The following GNB3 variants were observed in gnomAD, a reference collection of about 807,000 sequenced individuals.
GNB3 encodes guanine nucleotide-binding protein G(I)/G(S)/G(T) subunit beta-3.
Under a neutral mutation model 41.2 loss-of-function variants are expected in GNB3, and 33 were observed. That is an observed-to-expected ratio of 0.80 (90% CI 0.61 to 1.07). The LOEUF (loss-of-function observed/expected upper bound fraction) is 1.07, where lower values mean the gene tolerates loss of function less well. Ranked by LOEUF, GNB3 falls within the 50% of genes least tolerant of loss-of-function variation. GNB3 has a pLI of 0.00. For missense variants in GNB3, 409 were observed against 455.3 expected, an observed-to-expected ratio of 0.90 and a Z score of 0.92; for synonymous variants, 172 against 173.4, an observed-to-expected ratio of 0.99 and a Z score of 0.06.
intron 3 of GNB3, 85 bp from the exon 4 acceptor site, chr12:6,842,885 G>T: frequency 1.2e-6 from 1 of 849,472 alleles, no homozygotes; most frequent in South Asian, 1.8e-5. Context: ...GGCACAGAGC[G>T]GGAACTTGTA....
chr12:6,846,708 C>CCCACACAT, intron 9 of GNB3, 84 bp from the exon 10 acceptor site: 1 of 740,460 alleles, frequency 1.4e-6, no homozygotes, highest in Non-Finnish European at 2.4e-6. Flanking sequence ...CACCCACACA[C>CCCACACAT]CCACACATAC....
chr12:6,846,298 C>G (rs2137993696), intron 9 of GNB3: 1 of 168,678 alleles, frequency 5.9e-6, no homozygotes, highest in African/African-American at 2.4e-5. Context: ...GAATCCAAAT[C>G]CTAATTCTGT....
At chr12:6,841,198 G>A (rs13306409) in intron 1 of GNB3, 60 bp from the exon 2 acceptor site, 77 of 1,073,268 alleles carry the variant, frequency 7.2e-5, no homozygotes, top group East Asian at 2.6e-4. Flanking sequence ...GTGTGGGCAC[G>A]AAGGGCAGAA....
intron 8 of GNB3, among the ~76,000 whole-genome samples, chr12:6,844,493 C>A (rs1943644302): frequency 6.6e-6 from 1 of 152,116 alleles, no homozygotes; most frequent in African/African-American, 2.4e-5. Flanking sequence ...TATCATAGCT[C>A]ACCGCAGTCT....
intron 9 of GNB3, chr12:6,846,513 A>T (rs2137994295): frequency 3.1e-6 from 1 of 327,660 alleles, no homozygotes; most frequent in South Asian, 8.4e-5. Flanking sequence ...CTTGACAGAG[A>T]ACCCCCTGCC....
chr12:6,844,086 T>C (rs938833051), intron 8 of GNB3, 108 bp downstream of exon 8: 2 of 561,872 alleles, frequency 3.6e-6, no homozygotes, highest in Non-Finnish European at 5.7e-6. Flanking sequence ...TAGCCCTTTC[T>C]TACTGTATTT....
In GNB3 at chr12:6,843,006, A is replaced by C; in HGVS notation, c.133A>C (p.Met45Leu). 1 of 1,561,274 alleles carries C rather than the reference A, an allele frequency of 6.4e-7. No homozygotes were observed. The highest frequency in any genetic ancestry group is 8.7e-7 in the Non-Finnish European group (1 of 1,148,492). The change falls in exon 4 of 10, where the codon ATG (methionine) becomes CTG (leucine). Residue 45 changes from methionine to leucine, a missense_variant. Physicochemically the swap from Met to Leu is conservative, Grantham distance 15. Coordinates refer to ENST00000229264, the MANE Select transcript of GNB3 (RefSeq NM_002075.4). This position sits in a 1 kb window ranked among gnomAD's most constrained non-coding sequence, Gnocchi z 5.9. ...SGLEVVGRVQMRTRRTLRGHL... is the reference protein window; with the variant it reads ...SGLEVVGRVQLRTRRTLRGHL... ...CCTAGAGGTGGTGGGACGAGTCCAG[A>C]TGCGGACGCGGCGGACGTTAAGGGG...
At chr12:6,841,648 G>A (rs1943576638) in intron 3 of GNB3, 24 bp downstream of exon 3, 1 of 1,593,062 alleles carries the variant, frequency 6.3e-7, no homozygotes. Flanking sequence ...TCCCCCGGAA[G>A]GCAGGGCATG....
rs1943611354 is a variant in GNB3 at position 6,843,302 on chromosome 12, C to A, written c.268-61C>A. On this transcript the variant is annotated intron_variant, in intron 5 of 9. Transcript: ENST00000229264. This position sits in a 1 kb window ranked among gnomAD's most constrained non-coding sequence, Gnocchi z 5.9. ...TTCCTAAGGGCGCCATGCCTACCCT[C>A]CTGTGCCCAGCTGGGAGCTTGGCTC... 1 of 1,609,556 alleles carries A rather than the reference C, an allele frequency of 6.2e-7. No homozygotes were observed. The highest frequency in any genetic ancestry group is 8.5e-7 in the Non-Finnish European group (1 of 1,175,984).
rs1943611588 is a variant in GNB3, at chr12:6,843,311, A to C, written c.268-52A>C. The C allele has an allele frequency of 6.2e-7, 1 of 1,611,812 alleles. No individual in the cohort carries two copies. The stretch of plus-strand genomic sequence containing the variant: ...GCGCCATGCCTACCCTCCTGTGCCC[A>C]GCTGGGAGCTTGGCTCCGGTCCCAT... On this transcript the variant is annotated intron_variant, in intron 5 of 9. Transcript: ENST00000229264. This position sits in a 1 kb window ranked among gnomAD's most constrained non-coding sequence, Gnocchi z 5.9.
At position 6,841,292 on chromosome 12, in the gene GNB3, G is replaced by A. The variant is rs782103240; in HGVS notation, c.5G>A (p.Gly2Glu). The change falls in exon 2 of 10, where the codon GGG becomes GAG. Residue 2 changes from glycine (G) to glutamate (E), a missense_variant. Transcript: ENST00000229264. M[G>E]EMEQLRQEAE... The stretch of plus-strand genomic sequence containing the variant: ...TGACCCCTCGACCTGTCAGCCATGG[G>A]GGAGATGGAGCAACTGCGTCAGGAA... 36 of 1,613,284 alleles carry A rather than the reference G, an allele frequency of 2.2e-5. No homozygotes were observed. The South Asian group carries it at 3.6e-4, about 16-fold the overall frequency.
Position 6,847,004 on chromosome 12 carries a change from A to G in GNB3, c.*106A>G, listed in dbSNP as rs1555124912. ...CTTCTATATTCCGGGTGCCATTCCC[A>G]CTAAGCTTTCTCCTTTGAGGGCAGT... On this transcript the variant is annotated 3_prime_UTR_variant, in exon 10 of 10. Transcript: ENST00000229264. 1.4e-6 allele frequency: 1 copy of G among 693,018 alleles called. No homozygotes were observed. Among genetic ancestry groups the G allele is most frequent in the Non-Finnish European group, 2.6e-6 (1 of 389,746 alleles). The allele number at this position is 693,018 out of a possible 1,614,324, so 42.9% of individuals were successfully genotyped here.
intron 9 of GNB3, 128 bp from the exon 10 acceptor site, chr12:6,846,664 C>A: frequency 1.6e-6 from 1 of 630,456 alleles, no homozygotes. Context: ...TACACATGCA[C>A]ACATATCCCC....
rs1555123731 is a variant in GNB3, at chr12:6,843,077, G to T, written c.203+1G>T. ...CCATGCACTGGGCCACTGATTCTAA[G>T]TGAGGCTTGGGGGGGAACCGAGAAT... On this transcript the variant is annotated splice_donor_variant, in intron 4 of 9. Coordinates refer to ENST00000229264, the MANE Select transcript of GNB3 (RefSeq NM_002075.4). LOFTEE classifies it high-confidence loss of function. This position sits in a 1 kb window ranked among gnomAD's most constrained non-coding sequence, Gnocchi z 5.9. 1 of 1,604,138 alleles carries T rather than the reference G, an allele frequency of 6.2e-7. No individual in the cohort carries two copies. The highest frequency in any genetic ancestry group is 2.2e-5 in the East Asian group (1 of 44,616).
In GNB3 at chr12:6,841,338, G is replaced by T; in HGVS notation, c.51G>T (p.Gln17His). The T allele has an allele frequency of 6.2e-7, 1 of 1,613,336 alleles. No homozygotes were observed. The highest frequency in any genetic ancestry group is 2.2e-5 in the East Asian group (1 of 44,864). Residue 17 changes from glutamine (Q) to histidine (H), a missense_variant, in exon 2 of 10, where the codon CAG becomes CAT. By Grantham distance (24) the Gln-to-His change is conservative (BLOSUM62 0). Transcript: ENST00000229264. ...AGGAAGCGGAGCAGCTCAAGAAGCA[G>T]ATTGCAGTAACTCCAGAGCCCTACC... ...LRQEAEQLKK[Q>H]IADARKACAD...
rs1432718669 is a variant in GNB3 at position 6,844,091 on chromosome 12, G to GTCTTTTTTTTTTTTTTTTTTTTT, written c.699+114_699+115insCTTTTTTTTTTTTTTTTTTTTTT. 26 of 253,438 alleles carry GTCTTTTTTTTTTTTTTTTTTTTT rather than the reference G, an allele frequency of 1.0e-4. 9 individuals are homozygous for GTCTTTTTTTTTTTTTTTTTTTTT. Among genetic ancestry groups the GTCTTTTTTTTTTTTTTTTTTTTT allele is most frequent in the African/African-American group, 4.7e-4 (11 of 23,258 alleles). 15.7% of individuals were successfully genotyped at this position (253,438 alleles called of 1,614,324 possible). ...ATAGCTTCCCTAGCCCTTTCTTACTGTATTTTTTTTTTTTTTTTTTTTTTT... is the reference window on the plus strand; with the variant it reads ...ATAGCTTCCCTAGCCCTTTCTTACTGTCTTTTTTTTTTTTTTTTTTTTTTATTTTTTTTTTTTTTTTTTTTTTT... On this transcript the variant is annotated intron_variant, in intron 8 of 9. Transcript: ENST00000229264.
rs1179267539 is a variant in GNB3, at chr12:6,843,342, C to T, written c.268-21C>T. ...GAGCTTGGCTCCGGTCCCATCTCTG[C>T]TCAAACCACCCTCCCTGCAGGTGCA... On this transcript the variant is annotated intron_variant, in intron 5 of 9. Coordinates refer to ENST00000229264, the MANE Select transcript of GNB3 (RefSeq NM_002075.4). This position sits in a 1 kb window ranked among gnomAD's most constrained non-coding sequence, Gnocchi z 5.9. The T allele has an allele frequency of 3.1e-6, 5 of 1,613,552 alleles. No homozygotes were observed. Among genetic ancestry groups the T allele is most frequent in the Non-Finnish European group, 4.2e-6 (5 of 1,179,516 alleles).
At chr12:6,842,015 T>A in intron 3 of GNB3, 1 of 362,682 alleles carries the variant, frequency 2.8e-6, no homozygotes, top group Non-Finnish European at 5.3e-6. Flanking sequence ...CAAGGTGCAT[T>A]CAGCAATGGA....
At position 6,843,997 on chromosome 12, in the gene GNB3, C is replaced by G. The variant is rs145079120; in HGVS notation, c.699+19C>G. On this transcript the variant is annotated intron_variant, in intron 8 of 9. Transcript: ENST00000229264. The surrounding 1 kb of genome is among the most constrained non-coding windows in gnomAD (Gnocchi z 5.9). ...CATCTGTGTGAGTGCACCCCCCACC[C>G]CAGCTTCACTCCAACTCCTTCCCCG... 3.8e-6 allele frequency: 6 copies of G among 1,578,428 alleles called. No individual in the cohort carries two copies. Among genetic ancestry groups the G allele is most frequent in the South Asian group, 2.3e-5 (2 of 86,006 alleles).
Sources: allele counts gnomAD v4.1 joint callset (sites outside exome capture counted in the v4.1 genomes callset), GRCh38; gene constraint gnomAD v4.1.1; non-coding constraint Gnocchi (gnomAD v3.1); transcripts MANE v1.5; gene names NCBI Gene and HGNC (gene_info 2026-07-23, HGNC 2026-07-21).